RAB2A: variants seen among roughly 807,000 people sequenced by gnomAD.
The protein encoded by RAB2A is ras-related protein Rab-2A.
RAB2A carries 7 observed loss-of-function variants against 32.5 expected under a neutral mutation model. The ratio of observed to expected loss-of-function variants is 0.22; its 90% CI spans 0.12 to 0.40. RAB2A has a LOEUF of 0.40. RAB2A is among the 10% of genes least tolerant of loss of function. RAB2A has a pLI of 1.00. For missense variants in RAB2A, 108 were observed against 260.7 expected (o/e 0.41, Z 4.03); for synonymous variants, 79 against 85.2 (o/e 0.93, Z 0.40).
In RAB2A at chr8:60,618,595, G is replaced by T; in HGVS notation, c.490G>T (p.Ala164Ser). 8.2e-7 allele frequency: 1 copy of T among 1,226,952 alleles called. No homozygotes were observed. The allele number at this position is 1,226,952 out of a possible 1,614,324, so 76.0% of individuals were successfully genotyped here. ...SNVEEAFINT[A>S]KEIYEKIQEG... ...TATATTTCAGGCATTTATTAATACA[G>T]CAAAAGAAATTTATGAAAAAATTCA... The change falls in exon 7 of 8, where the codon GCA becomes TCA. Residue 164 changes from alanine (A) to serine (S), a missense_variant. By Grantham distance (99) the Ala-to-Ser change is moderately conservative. Transcript: ENST00000262646.
chr8:60,560,638 G>A (rs144246023), intron 2 of RAB2A, among the ~76,000 whole-genome samples: 1 of 152,112 alleles, frequency 6.6e-6, no homozygotes, highest in Non-Finnish European at 1.5e-5. Flanking sequence ...TAAGCCCAGC[G>A]TGTCCAACCC....
At chr8:60,524,895 C>A (rs2130806044) in intron 1 of RAB2A, among the ~76,000 whole-genome samples, 1 of 152,240 alleles carries the variant, frequency 6.6e-6, no homozygotes, top group Non-Finnish European at 1.5e-5. Context: ...TAAGGTGTAG[C>A]CAGACTGAAT....
intron 3 of RAB2A, among the ~76,000 whole-genome samples, chr8:60,580,602 G>A (rs1405548373): frequency 1.3e-5 from 2 of 152,188 alleles, no homozygotes; most frequent in African/African-American, 2.4e-5. Context: ...TACAGTCATA[G>A]TCTTCAGTGG....
At chr8:60,560,138 G>A (rs1232605416) in intron 2 of RAB2A, among the ~76,000 whole-genome samples, 1 of 152,178 alleles carries the variant, frequency 6.6e-6, no homozygotes, top group African/African-American at 2.4e-5. Context: ...AGACTAGAGT[G>A]AGGTGCGGTG....
At chr8:60,604,483 A>C (rs1300829131) in intron 6 of RAB2A, among the ~76,000 whole-genome samples, 1 of 152,106 alleles carries the variant, frequency 6.6e-6, no homozygotes, top group Non-Finnish European at 1.5e-5. Context: ...ATGAGGAAAA[A>C]TTTGGAACTT....
intron 4 of RAB2A, 100 bp downstream of exon 4, chr8:60,584,390 C>T: frequency 9.7e-7 from 1 of 1,029,728 alleles, no homozygotes; most frequent in Admixed American, 2.0e-5. Flanking sequence ...CCTTTCTGCC[C>T]CGGCTACTCA....
intron 6 of RAB2A, among the ~76,000 whole-genome samples, chr8:60,602,393 A>G (rs1804148868): frequency 6.6e-6 from 1 of 152,236 alleles, no homozygotes; most frequent in Admixed American, 6.5e-5. Context: ...ATAACTTAAC[A>G]GCAATTCCTT....
chr8:60,549,672 GT>G (rs996586449), intron 1 of RAB2A, among the ~76,000 whole-genome samples: 2 of 151,996 alleles, frequency 1.3e-5, no homozygotes, highest in Non-Finnish European at 2.9e-5. Flanking sequence ...GCAGGAGATA[GT>G]TTTTTCCCCC....
chr8:60,593,272 A>T (rs1803970879), intron 6 of RAB2A, among the ~76,000 whole-genome samples: 1 of 152,208 alleles, frequency 6.6e-6, no homozygotes, highest in Non-Finnish European at 1.5e-5. Flanking sequence ...CTACTACTGC[A>T]CCTACTACAC....
At chr8:60,560,722 G>T (rs926077084) in intron 2 of RAB2A, among the ~76,000 whole-genome samples, 1 of 149,370 alleles carries the variant, frequency 6.7e-6, no homozygotes, top group Non-Finnish European at 1.5e-5. Flanking sequence ...GAAACACTAT[G>T]AGATTTTTTT....
intron 1 of RAB2A, among the ~76,000 whole-genome samples, chr8:60,531,017 A>G (rs1348214469): frequency 2.0e-5 from 3 of 152,234 alleles, no homozygotes; most frequent in Non-Finnish European, 4.4e-5. Flanking sequence ...GTACCTGCCT[A>G]GTGCACCCTA....
intron 3 of RAB2A, 22 bp from the exon 4 acceptor site, chr8:60,584,186 C>T (rs1441692050): frequency 1.3e-6 from 2 of 1,551,802 alleles, no homozygotes; most frequent in East Asian, 4.5e-5. Context: ...AGGAAACTCT[C>T]CAACCTTTTT....
intron 1 of RAB2A, among the ~76,000 whole-genome samples, chr8:60,527,477 C>T (rs1807410412): frequency 6.6e-6 from 1 of 152,190 alleles, no homozygotes; most frequent in Non-Finnish European, 1.5e-5. Flanking sequence ...GCACCTTCTT[C>T]ACAAGGCGGC....
intron 1 of RAB2A, among the ~76,000 whole-genome samples, chr8:60,537,414 T>G (rs1586067917): frequency 6.6e-6 from 1 of 152,002 alleles, no homozygotes; most frequent in East Asian, 1.9e-4. Context: ...AGAGATGGGG[T>G]TTTTCACCAT....
chr8:60,577,922 G>A (rs1159625629), intron 3 of RAB2A, among the ~76,000 whole-genome samples: 3 of 151,776 alleles, frequency 2.0e-5, no homozygotes, highest in Non-Finnish European at 4.4e-5. Flanking sequence ...GATTATAGGC[G>A]TGAGCCACCA....
At position 60,620,934 on chromosome 8, in the gene RAB2A, A is replaced by T; in HGVS notation, c.*165A>T. 1 of 565,230 alleles carries T rather than the reference A, an allele frequency of 1.8e-6. No homozygotes were observed. The highest frequency in any genetic ancestry group is 3.0e-6 in the Non-Finnish European group (1 of 329,452). 35.0% of individuals were successfully genotyped at this position (565,230 alleles called of 1,614,324 possible). Reference sequence around the variant, plus strand: ...AACTTTGAATAAATGGTTAATGTTCACTTAAAAGACAGATTTTGGAGATTG... The same window carrying T: ...AACTTTGAATAAATGGTTAATGTTCTCTTAAAAGACAGATTTTGGAGATTG... On this transcript the variant is annotated 3_prime_UTR_variant, in exon 8 of 8. Transcript: ENST00000262646.
chr8:60,600,428 G>C (rs1022618011), intron 6 of RAB2A, among the ~76,000 whole-genome samples: 9 of 152,168 alleles, frequency 5.9e-5, no homozygotes, highest in Non-Finnish European at 8.8e-5. Flanking sequence ...AGAGAATGTG[G>C]AGAAACCAGA....
In RAB2A at chr8:60,558,729, G is replaced by A. The variant is rs1586082031; in HGVS notation, c.47-123G>A. ...TTTTGCAAGAAATTAGAGTACTGAG[G>A]AAATCATGGTAGATTATTCACAGTG... On this transcript the variant is annotated intron_variant, in intron 1 of 7. Coordinates refer to ENST00000262646, the MANE Select transcript of RAB2A (RefSeq NM_002865.3). 1.0e-5 allele frequency: 8 copies of A among 792,078 alleles called. No individual in the cohort carries two copies. The East Asian group carries it at 1.8e-4, about 18-fold the overall frequency. 49.1% of individuals were successfully genotyped at this position (792,078 alleles called of 1,614,324 possible). A position where few individuals can be genotyped will look rare whatever the true frequency, so the allele number is the denominator to read the frequency against.
At chr8:60,598,629 G>A (rs973558945) in intron 6 of RAB2A, among the ~76,000 whole-genome samples, 1 of 152,038 alleles carries the variant, frequency 6.6e-6, no homozygotes, top group Admixed American at 6.6e-5. Flanking sequence ...AAACAAATCA[G>A]TGTACTCCAC....
Sources: gnomAD v4.1 joint callset for allele counts (sites outside exome capture counted in the v4.1 genomes callset) on GRCh38, gnomAD v4.1.1 for gene constraint, MANE v1.5 for transcripts, NCBI Gene and HGNC (gene_info 2026-07-23, HGNC 2026-07-21) for gene names.